TJP2: variants seen among roughly 807,000 people sequenced by gnomAD.
TJP2 encodes tight junction protein 2, also known as Friedreich ataxia region gene X104 (tight junction protein ZO-2).
In TJP2, 91 loss-of-function variants were observed where a neutral mutation model predicts 133.1. The ratio of observed to expected loss-of-function variants is 0.68; its 90% CI spans 0.58 to 0.81. TJP2 has a LOEUF of 0.81. TJP2 is among the 40% of genes least tolerant of loss of function. The probability of loss-of-function intolerance (pLI) is 0.00; values close to 1 mark genes in which losing one functional copy is unlikely to be tolerated. For synonymous variants in TJP2, 592 were observed against 583.4 expected (o/e 1.01, Z -0.21); for missense variants, 1,541 against 1,565.6 (o/e 0.98, Z 0.26).
chr9:69,222,871 C>T (rs955179139), intron 5 of TJP2, among the ~76,000 whole-genome samples: 1 of 151,712 alleles, frequency 6.6e-6, no homozygotes, highest in South Asian at 2.1e-4. Context: ...GAGTTGGAGA[C>T]CAGCCTGGCC....
chr9:69,169,736 C>CAT (rs966200826), upstream of TJP2, among the ~76,000 whole-genome samples: 212 of 151,538 alleles, frequency 1.4e-3, 1 homozygote, highest in African/African-American at 4.3e-3. Context: ...CAGATATATA[C>CAT]ATATATATAT....
chr9:69,228,257 C>A, intron 9 of TJP2, 143 bp downstream of exon 9: 1 of 1,032,508 alleles, frequency 9.7e-7, no homozygotes, highest in Non-Finnish European at 1.4e-6. Flanking sequence ...AACATGGTAA[C>A]AGAAAACCAC....
At chr9:69,238,687 G>T in intron 15 of TJP2, 23 bp from the exon 16 acceptor site, 1 of 1,602,722 alleles carries the variant, frequency 6.2e-7, no homozygotes, top group Non-Finnish European at 8.5e-7. Context: ...CAATTATTTA[G>T]CTTCCTGTTT....
intron 19 of TJP2, chr9:69,249,030 A>C (rs985093130): frequency 1.3e-5 from 13 of 1,014,398 alleles, no homozygotes; most frequent in Admixed American, 5.2e-5. Flanking sequence ...AAAATACACC[A>C]TTACCACAGC....
chr9:69,162,522 C>T (rs1824136801), intron 2 of TJP2, among the ~76,000 whole-genome samples: 1 of 152,102 alleles, frequency 6.6e-6, no homozygotes, highest in Admixed American at 6.6e-5. Flanking sequence ...TTAAATTGTC[C>T]TCTATACTAG....
At position 69,204,066 on chromosome 9, in the gene TJP2, C is replaced by T. The variant is rs183259252; in HGVS notation, c.61-8482C>T. Among the ~76,000 whole-genome samples the T allele has an allele frequency of 2.8e-3, 429 of 152,280 alleles. 4 individuals carry two copies. The highest frequency in any genetic ancestry group is 9.6e-3 in the African/African-American group (401 of 41,570). The stretch of plus-strand genomic sequence containing the variant: ...TTGTAGAGATTGCCTCATTTCTTGC[C>T]GACATTGCCCTTCTGAAGTGTAGAT... On this transcript the variant is annotated intron_variant, in intron 1 of 22. Coordinates refer to ENST00000377245, the MANE Select transcript of TJP2 (RefSeq NM_004817.4).
At chr9:69,216,519 C>T (rs571231983) in intron 3 of TJP2, 56 bp downstream of exon 3, 180 of 1,600,684 alleles carry the variant, frequency 1.1e-4, no homozygotes, top group African/African-American at 8.7e-4. Context: ...TGGCCCTAGA[C>T]GGGGTATTTT....
intron 2 of TJP2, among the ~76,000 whole-genome samples, chr9:69,214,201 C>G (rs1445810677): frequency 1.3e-5 from 2 of 152,130 alleles, no homozygotes; most frequent in African/African-American, 2.4e-5. Flanking sequence ...TTTTCCTGCT[C>G]CAGCCTCCTA....
rs554579037 is a variant in TJP2 at position 69,204,994 on chromosome 9, C to T, written c.61-7554C>T. On this transcript the variant is annotated intron_variant, in intron 1 of 22. Coordinates refer to ENST00000377245, the MANE Select transcript of TJP2 (RefSeq NM_004817.4). ...TGCTCATAAGTAGTGCTTTTCAAAG[C>T]GTTTGGCATCCCTGCCATATGGATG... The T allele has an allele frequency of 2.7e-5, 36 of 1,357,988 alleles. No homozygotes were observed. The South Asian group carries it at 6.7e-4, about 25-fold the overall frequency. 84.1% of individuals were successfully genotyped at this position (1,357,988 alleles called of 1,614,324 possible).
At chr9:69,204,004 C>T (rs1453186984) in intron 1 of TJP2, among the ~76,000 whole-genome samples, 1 of 152,194 alleles carries the variant, frequency 6.6e-6, no homozygotes, top group Non-Finnish European at 1.5e-5. Context: ...GAAGGACACA[C>T]ATTTCCCAGT....
At chr9:69,150,476 T>C (rs1469354105) in intron 1 of TJP2, among the ~76,000 whole-genome samples, 1 of 151,630 alleles carries the variant, frequency 6.6e-6, no homozygotes, top group Non-Finnish European at 1.5e-5. Flanking sequence ...GTATTTTTAG[T>C]AGAGATGGGG....
At chr9:69,128,920 T>C (rs73647077) in intron 1 of TJP2, among the ~76,000 whole-genome samples, 3,715 of 152,166 alleles carry the variant, frequency 0.024, 161 homozygotes, top group African/African-American at 0.084. Flanking sequence ...AATTCTCCAG[T>C]TTCAATGGTT....
At chr9:69,165,415 G>A (rs1340809047) in intron 2 of TJP2, among the ~76,000 whole-genome samples, 1 of 152,184 alleles carries the variant, frequency 6.6e-6, no homozygotes, top group African/African-American at 2.4e-5. Context: ...TGTGATTACA[G>A]GTGTGGCCAC....
chr9:69,134,910 T>G (rs577944031), intron 1 of TJP2, among the ~76,000 whole-genome samples: 3 of 151,352 alleles, frequency 2.0e-5, no homozygotes, highest in African/African-American at 7.3e-5. Flanking sequence ...CTTTCCTGGA[T>G]GCATTGTGTA....
chr9:69,253,923 G>T, intron 22 of TJP2: 1 of 471,712 alleles, frequency 2.1e-6, no homozygotes, highest in South Asian at 2.1e-5. Context: ...GGTGAGACTA[G>T]CCAGGGAGCT....
At chr9:69,240,325 T>A in intron 17 of TJP2, among the ~76,000 whole-genome samples, 178 bp downstream of exon 17, 1 of 152,230 alleles carries the variant, frequency 6.6e-6, no homozygotes, top group East Asian at 1.9e-4. Flanking sequence ...TATTGAACTT[T>A]GTAATTTTGT....
intron 1 of TJP2, among the ~76,000 whole-genome samples, chr9:69,134,915 T>C (rs1822657719): frequency 6.6e-6 from 1 of 151,192 alleles, no homozygotes; most frequent in Non-Finnish European, 1.5e-5. Flanking sequence ...CTGGATGCAT[T>C]GTGTATGGAG....
upstream of TJP2, among the ~76,000 whole-genome samples, chr9:69,171,206 G>A (rs560479127): frequency 2.6e-5 from 4 of 152,182 alleles, no homozygotes; most frequent in East Asian, 3.9e-4. Context: ...CTTCCCGCTC[G>A]CGTCTCCCCA....
At chr9:69,139,978 G>A (rs532259969) in intron 1 of TJP2, among the ~76,000 whole-genome samples, 5 of 152,284 alleles carry the variant, frequency 3.3e-5, no homozygotes, top group Admixed American at 2.6e-4. Flanking sequence ...GTAGGCGACC[G>A]CTGCCGTGAG....
Sources: allele counts gnomAD v4.1 joint callset (sites outside exome capture counted in the v4.1 genomes callset), GRCh38; gene constraint gnomAD v4.1.1; transcripts MANE v1.5; gene names NCBI Gene and HGNC (gene_info 2026-07-23, HGNC 2026-07-21).